FBN2: variants seen among roughly 807,000 people sequenced by gnomAD.
The protein encoded by FBN2 is fibrillin 2.
A neutral mutation model predicts 355.6 loss-of-function variants in FBN2; 105 were observed. That is an observed-to-expected ratio of 0.30 (90% CI 0.25 to 0.35). The LOEUF is 0.35. FBN2 is among the 10% of genes least tolerant of loss of function. The pLI, the probability that FBN2 is intolerant of heterozygous loss-of-function variation, is 1.00. For missense variants in FBN2, 3,280 were observed against 3,758.7 expected (o/e 0.87, Z 3.33); for synonymous variants, 1,350 against 1,301.2 (o/e 1.04, Z -0.81).
rs543404558 is a variant in FBN2, at chr5:128,391,689, G to A, written c.1603+329C>T. The stretch of plus-strand genomic sequence containing the variant: ...TTTTAAAGATGGATTCATGCTTGAC[G>A]AATTGTTTTTAAAATATATTCATTG... On this transcript the variant is annotated intron_variant, in intron 11 of 64. Coordinates refer to ENST00000262464, the MANE Select transcript of FBN2 (RefSeq NM_001999.4). 3.9e-5 allele frequency among the ~76,000 whole-genome samples: 6 copies of A among 152,150 alleles called. No individual in the cohort carries two copies. The South Asian group carries it at 1.2e-3, about 32-fold the overall frequency.
intron 5 of FBN2, among the ~76,000 whole-genome samples, chr5:128,486,578 G>A (rs1273527945): frequency 6.6e-6 from 1 of 151,822 alleles, no homozygotes; most frequent in Non-Finnish European, 1.5e-5. Context: ...CCTATGCAGG[G>A]CCCCTTACCG....
At chr5:128,439,385 C>T (rs1753857347) in intron 7 of FBN2, among the ~76,000 whole-genome samples, 1 of 151,934 alleles carries the variant, frequency 6.6e-6, no homozygotes, top group South Asian at 2.1e-4. Flanking sequence ...TTCTTAACAC[C>T]CTCACCAATA....
At chr5:128,478,125 T>G (rs1755053821) in intron 5 of FBN2, among the ~76,000 whole-genome samples, 1 of 152,202 alleles carries the variant, frequency 6.6e-6, no homozygotes, top group African/African-American at 2.4e-5. Context: ...TCAAATCTTA[T>G]CGGCATTTAG....
Position 128,349,336 on chromosome 5 carries a change from G to T in FBN2, c.2989+11C>A. Reference sequence around the variant, plus strand: ...TTTTATACATAGAATACATGAGGGTGTGAATCTTACCCAAACATACACGGC... The same window carrying T: ...TTTTATACATAGAATACATGAGGGTTTGAATCTTACCCAAACATACACGGC... On this transcript the variant is annotated intron_variant, in intron 23 of 64. Coordinates refer to ENST00000262464, the MANE Select transcript of FBN2 (RefSeq NM_001999.4). The T allele has an allele frequency of 6.2e-7, 1 of 1,614,008 alleles. No homozygotes were observed. The highest frequency in any genetic ancestry group is 8.5e-7 in the Non-Finnish European group (1 of 1,179,970).
At chr5:128,284,748 C>G (rs912487353) in intron 55 of FBN2, among the ~76,000 whole-genome samples, 6 of 152,194 alleles carry the variant, frequency 3.9e-5, no homozygotes, top group African/African-American at 1.4e-4. Flanking sequence ...TGCTGCTTCT[C>G]CTCTTCCTGC....
At chr5:128,298,624 C>T (rs561159315) in intron 48 of FBN2, among the ~76,000 whole-genome samples, 7,670 of 151,038 alleles carry the variant, frequency 0.051, 654 homozygotes, top group African/African-American at 0.17. Flanking sequence ...TCCAGTTGAT[C>T]GCGTCAGCTC....
intron 5 of FBN2, among the ~76,000 whole-genome samples, chr5:128,492,803 C>CAAAAA (rs578258680): frequency 2.3e-5 from 1 of 43,770 alleles, no homozygotes; most frequent in Non-Finnish European, 5.4e-5. Context: ...AACTCCATCT[C>CAAAAA]AAAAAAAAAA....
intron 14 of FBN2, among the ~76,000 whole-genome samples, chr5:128,376,238 T>C (rs1752074197): frequency 2.0e-5 from 3 of 152,186 alleles, no homozygotes; most frequent in African/African-American, 7.2e-5. Context: ...AAATAATTAA[T>C]TGAAATATTA....
chr5:128,407,361 C>T (rs887927726), intron 8 of FBN2, among the ~76,000 whole-genome samples: 1 of 152,138 alleles, frequency 6.6e-6, no homozygotes, highest in Non-Finnish European at 1.5e-5. Context: ...AGGTCCAGAG[C>T]AGGCATATCC....
chr5:128,478,323 T>C (rs1303067678), intron 5 of FBN2, among the ~76,000 whole-genome samples: 5 of 152,236 alleles, frequency 3.3e-5, no homozygotes, highest in Admixed American at 6.5e-5. Context: ...TGGGTAGGCA[T>C]TGGGCTTTGC....
In FBN2 at chr5:128,434,394, G is replaced by GTATATATATATATATA. The variant is rs6149234; in HGVS notation, c.952+12071_952+12086dup. 9.8e-3 allele frequency among the ~76,000 whole-genome samples: 900 copies of GTATATATATATATATA among 91,402 alleles called. 37 individuals carry two copies. The highest frequency in any genetic ancestry group is 0.016 in the African/African-American group (268 of 16,494). The allele number at this position is 91,402 out of a possible 152,430, so 60.0% of individuals were successfully genotyped here. A position where few individuals can be genotyped will look rare whatever the true frequency, so the allele number is the denominator to read the frequency against. Reference sequence around the variant, plus strand: ...CAATGCCTGGCAGTGAATAAAGTGTGTATATATATATATATATATATATAT... The same window carrying GTATATATATATATATA: ...CAATGCCTGGCAGTGAATAAAGTGTGTATATATATATATATATATATATATATATATATATATATAT... On this transcript the variant is annotated intron_variant, in intron 7 of 64. Transcript: ENST00000262464.
chr5:128,277,876 T>C lies in FBN2; in HGVS notation c.7471+4A>G, dbSNP rs753059448. 3 of 1,614,108 alleles carry C rather than the reference T, an allele frequency of 1.9e-6. No homozygotes were observed. Among genetic ancestry groups the C allele is most frequent in the East Asian group, 2.2e-5 (1 of 44,870 alleles). On this transcript the variant is annotated splice_donor_region_variant and intron_variant, in intron 58 of 64. Coordinates refer to ENST00000262464, the MANE Select transcript of FBN2 (RefSeq NM_001999.4). ...CCCCTGGATATAGAGGTGCCCATCGTTACCTATACAAGAGGTTCCACTGAT... is the reference window on the plus strand; with the variant it reads ...CCCCTGGATATAGAGGTGCCCATCGCTACCTATACAAGAGGTTCCACTGAT...
intron 7 of FBN2, among the ~76,000 whole-genome samples, chr5:128,426,608 T>C (rs1358962756): frequency 6.6e-6 from 1 of 152,148 alleles, no homozygotes; most frequent in African/African-American, 2.4e-5. Context: ...TTCAGATAAA[T>C]AAAATGTAAC....
At chr5:128,296,715 G>A (rs1427986764) in intron 48 of FBN2, among the ~76,000 whole-genome samples, 4 of 152,076 alleles carry the variant, frequency 2.6e-5, no homozygotes, top group African/African-American at 9.7e-5. Context: ...GCATCTATTT[G>A]ATTCTTCTCT....
At chr5:128,320,295 G>A (rs985308303) in intron 34 of FBN2, among the ~76,000 whole-genome samples, 2 of 151,492 alleles carry the variant, frequency 1.3e-5, no homozygotes, top group African/African-American at 2.4e-5. Context: ...GCTCACTGCA[G>A]CCACAATCTC....
At chr5:128,499,713 C>A (rs1461498328) in intron 5 of FBN2, among the ~76,000 whole-genome samples, 1 of 152,070 alleles carries the variant, frequency 6.6e-6, no homozygotes, top group Non-Finnish European at 1.5e-5. Context: ...CAAGAAATTA[C>A]TTGTAAATTG....
Position 128,324,246 on chromosome 5 carries a change from G to A in FBN2, c.4471+4450C>T, listed in dbSNP as rs376841697. Among the ~76,000 whole-genome samples the A allele has an allele frequency of 3.3e-5, 5 of 152,180 alleles. No homozygotes were observed. In the East Asian group the frequency reaches 7.7e-4, roughly 24 times the overall value. On this transcript the variant is annotated intron_variant, in intron 34 of 64. Coordinates refer to ENST00000262464, the MANE Select transcript of FBN2 (RefSeq NM_001999.4). ...AATCTTTTCAGAAAACCAGCTCCTGGATTCATTGATTTTCTTTAAAGGGTT... is the reference window on the plus strand; with the variant it reads ...AATCTTTTCAGAAAACCAGCTCCTGAATTCATTGATTTTCTTTAAAGGGTT...
chr5:128,397,838 C>T (rs948916203), intron 8 of FBN2, among the ~76,000 whole-genome samples: 8 of 151,912 alleles, frequency 5.3e-5, no homozygotes, highest in South Asian at 2.1e-4. Flanking sequence ...TCACAGTGCC[C>T]GGGGCATAAG....
At chr5:128,494,957 G>T (rs1232987067) in intron 5 of FBN2, among the ~76,000 whole-genome samples, 1 of 152,148 alleles carries the variant, frequency 6.6e-6, no homozygotes, top group East Asian at 1.9e-4. Context: ...TCCTTAGAGA[G>T]AACTCAGGAC....
Sources: allele counts gnomAD v4.1 joint callset (sites outside exome capture counted in the v4.1 genomes callset), GRCh38; gene constraint gnomAD v4.1.1; transcripts MANE v1.5; gene names NCBI Gene and HGNC (gene_info 2026-07-23, HGNC 2026-07-21).